Variants in GFRA1 observed in about 807,000 individuals in gnomAD.
GFRA1 encodes the protein GDNF family receptor alpha 1.
A neutral mutation model predicts 51.6 loss-of-function variants in GFRA1; 16 were observed. The ratio of observed to expected loss-of-function variants is 0.31; its 90% CI spans 0.21 to 0.47. The LOEUF (loss-of-function observed/expected upper bound fraction) is 0.47. Ranked by LOEUF, GFRA1 falls within the 20% of genes least tolerant of loss-of-function variation. GFRA1 has a pLI of 1.00. For missense variants in GFRA1, 530 were observed against 594.3 expected (o/e 0.89, Z 1.13); for synonymous variants, 270 against 241.3 (o/e 1.12, Z -1.10).
chr10:116,217,315 A>T (rs79895785), intron 4 of GFRA1, among the ~76,000 whole-genome samples: 28 of 152,334 alleles, frequency 1.8e-4, no homozygotes, highest in African/African-American at 6.7e-4. Flanking sequence ...TATCTATAAA[A>T]TGGCAACAGT....
rs1043870018 is a variant in GFRA1 at position 116,085,255 on chromosome 10, G to A, written c.1197+4486C>T. Among the ~76,000 whole-genome samples the A allele has an allele frequency of 1.1e-4, 17 of 152,152 alleles. No individual in the cohort carries two copies. The East Asian group carries it at 2.5e-3, about 22-fold the overall frequency. ...AGCAGACTTTGGAAAATGTTTATTCGTGTTTCTTCCCTTCCAAGGGGGAAA... is the reference window on the plus strand; with the variant it reads ...AGCAGACTTTGGAAAATGTTTATTCATGTTTCTTCCCTTCCAAGGGGGAAA... On this transcript the variant is annotated intron_variant, in intron 9 of 10. Coordinates refer to ENST00000355422, the MANE Select transcript of GFRA1 (RefSeq NM_005264.8).
chr10:116,237,912 C>G (rs1351405593), intron 4 of GFRA1, among the ~76,000 whole-genome samples: 1 of 152,168 alleles, frequency 6.6e-6, no homozygotes, highest in Non-Finnish European at 1.5e-5. Flanking sequence ...GTGCTTCCAC[C>G]TCCAGGCATC....
rs530403463 is a variant in GFRA1 at position 116,229,067 on chromosome 10, C to T, written c.419-17422G>A. 3.6e-4 allele frequency among the ~76,000 whole-genome samples: 55 copies of T among 151,480 alleles called. No individual in the cohort carries two copies. In the South Asian group the frequency reaches 0.011, roughly 31 times the overall value. On this transcript the variant is annotated intron_variant, in intron 4 of 10. Coordinates refer to ENST00000355422, the MANE Select transcript of GFRA1 (RefSeq NM_005264.8). Reference sequence around the variant, plus strand: ...AAGGAGACAGATTCTCCACCAGGGCCTCCAGAAGGAACACAGTCCTGCCGA... The same window carrying T: ...AAGGAGACAGATTCTCCACCAGGGCTTCCAGAAGGAACACAGTCCTGCCGA...
intron 9 of GFRA1, among the ~76,000 whole-genome samples, chr10:116,085,580 C>G (rs572674795): frequency 3.2e-4 from 48 of 152,246 alleles, no homozygotes; most frequent in Admixed American, 1.2e-3. Flanking sequence ...AGAGGAGGGT[C>G]AGATGGGGAG....
chr10:116,100,074 G>A (rs1440955458), intron 6 of GFRA1, among the ~76,000 whole-genome samples: 1 of 152,172 alleles, frequency 6.6e-6, no homozygotes, highest in East Asian at 1.9e-4. Context: ...TGCAGAAGCT[G>A]GTTTCCAAGA....
At chr10:116,235,398 T>A (rs1478374296) in intron 4 of GFRA1, among the ~76,000 whole-genome samples, 1 of 152,096 alleles carries the variant, frequency 6.6e-6, no homozygotes, top group Non-Finnish European at 1.5e-5. Flanking sequence ...TAAAACGGTA[T>A]TGACAATATC....
chr10:116,101,815 AT>A (rs1449062886), intron 6 of GFRA1, among the ~76,000 whole-genome samples: 1 of 152,144 alleles, frequency 6.6e-6, no homozygotes, highest in African/African-American at 2.4e-5. Flanking sequence ...AAGATGTTGA[AT>A]GGGATCCAGG....
intron 9 of GFRA1, among the ~76,000 whole-genome samples, chr10:116,074,592 G>A (rs1319605983): frequency 6.6e-6 from 1 of 152,204 alleles, no homozygotes; most frequent in East Asian, 1.9e-4. Flanking sequence ...TGCCAGTGGT[G>A]AGTGCCTCTC....
intron 9 of GFRA1, among the ~76,000 whole-genome samples, chr10:116,070,887 A>AT (rs369539584): frequency 5.1e-4 from 76 of 149,880 alleles, no homozygotes; most frequent in African/African-American, 1.8e-3. Context: ...GCCACTCTCT[A>AT]TTTTGAAACT....
Position 116,128,725 on chromosome 10 carries a change from C to CAA in GFRA1, c.434-3170_434-3169dup, listed in dbSNP as rs67642059. The stretch of plus-strand genomic sequence containing the variant: ...TGGGGGACTGAGTGAGACTCTGTCT[C>CAA]AAAAAAAAAAAAAAAAAAAAAAAAA... On this transcript the variant is annotated intron_variant, in intron 5 of 10. Transcript: ENST00000355422. Among the ~76,000 whole-genome samples, 324 of 87,754 alleles carry CAA rather than the reference C, an allele frequency of 3.7e-3. 15 individuals carry two copies. Among genetic ancestry groups the CAA allele is most frequent in the African/African-American group, 0.013 (283 of 22,548 alleles). The allele number at this position is 87,754 out of a possible 152,430, so 57.6% of individuals were successfully genotyped here. A position where few individuals can be genotyped will look rare whatever the true frequency, so the allele number is the denominator to read the frequency against.
In GFRA1 at chr10:116,061,479, C is replaced by T. The variant is rs1328829719; in HGVS notation, c.*2919G>A. The T allele has an allele frequency of 2.0e-5, 3 of 152,424 alleles. No individual in the cohort carries two copies. Among genetic ancestry groups the T allele is most frequent in the Non-Finnish European group, 4.4e-5 (3 of 68,258 alleles). 9.4% of individuals were successfully genotyped at this position (152,424 alleles called of 1,614,324 possible). On this transcript the variant is annotated 3_prime_UTR_variant, in exon 11 of 11. Transcript: ENST00000355422. ...AAAAGATACTCAAGCATGTATCGGT[C>T]AAAAATATTCAACATCAAAGTGGAA...
chr10:116,084,669 T>C, intron 9 of GFRA1, among the ~76,000 whole-genome samples: 1 of 152,108 alleles, frequency 6.6e-6, no homozygotes, highest in East Asian at 1.9e-4. Flanking sequence ...CATTAAGATG[T>C]CTTCACTGTA....
chr10:116,075,135 G>A (rs1955559747), intron 9 of GFRA1, among the ~76,000 whole-genome samples: 2 of 152,068 alleles, frequency 1.3e-5, no homozygotes, highest in Admixed American at 1.3e-4. Context: ...TGGCCTAATG[G>A]CTTTTCCCAT....
chr10:116,217,453 G>C (rs1004498244), intron 4 of GFRA1, among the ~76,000 whole-genome samples: 1 of 152,228 alleles, frequency 6.6e-6, no homozygotes, highest in Non-Finnish European at 1.5e-5. Context: ...CAGCATCCTA[G>C]CCATACTGGA....
intron 7 of GFRA1, among the ~76,000 whole-genome samples, chr10:116,096,444 C>T (rs1956578868): frequency 6.6e-6 from 1 of 152,124 alleles, no homozygotes; most frequent in South Asian, 2.1e-4. Context: ...CGCTTCCTGC[C>T]TCTGCCTTTC....
intron 5 of GFRA1, among the ~76,000 whole-genome samples, chr10:116,137,443 G>A (rs1012038557): frequency 1.2e-4 from 19 of 152,034 alleles, no homozygotes; most frequent in South Asian, 6.3e-4. Context: ...TTCCTCCCAC[G>A]AGCCTATTTA....
intron 5 of GFRA1, among the ~76,000 whole-genome samples, chr10:116,138,583 G>A (rs1233988976): frequency 6.6e-6 from 1 of 151,926 alleles, no homozygotes; most frequent in African/African-American, 2.4e-5. Flanking sequence ...TTACCAGGGG[G>A]CCCTAGAACA....
At chr10:116,222,294 G>C (rs1965979700) in intron 4 of GFRA1, among the ~76,000 whole-genome samples, 1 of 152,126 alleles carries the variant, frequency 6.6e-6, no homozygotes, top group Non-Finnish European at 1.5e-5. Context: ...CGTCTTCTAG[G>C]TTCAAGCTAT....
rs1333778610 is a variant in GFRA1 at position 116,064,034 on chromosome 10, T to TA, written c.*363dup. On this transcript the variant is annotated 3_prime_UTR_variant, in exon 11 of 11. Coordinates refer to ENST00000355422, the MANE Select transcript of GFRA1 (RefSeq NM_005264.8). ...TAGGAAAGGCCAGAAGTAAAACTGT[T>TA]AAAATCATCATCATGATCATGATGA... 2.8e-5 allele frequency: 5 copies of TA among 177,236 alleles called. No homozygotes were observed. Among genetic ancestry groups the TA allele is most frequent in the Non-Finnish European group, 3.4e-5 (3 of 89,160 alleles). The allele number at this position is 177,236 out of a possible 1,614,324, so 11.0% of individuals were successfully genotyped here.
Sources: allele counts gnomAD v4.1 joint callset (sites outside exome capture counted in the v4.1 genomes callset), GRCh38; gene constraint gnomAD v4.1.1; transcripts MANE v1.5; gene names NCBI Gene and HGNC (gene_info 2026-07-23, HGNC 2026-07-21).